The following GCC2 variants were observed in gnomAD, a reference collection of about 807,000 sequenced individuals.
GCC2 encodes GRIP and coiled-coil domain containing 2, also known as GRIP and coiled-coil domain-containing protein 2.
A neutral mutation model predicts 210.6 loss-of-function variants in GCC2; 120 were observed. The observed-to-expected ratio is 0.57, with a 90% CI of 0.49 to 0.66. GCC2 has a LOEUF of 0.66. Among genes scored for constraint, GCC2 ranks in the 30% least tolerant of loss-of-function variants. GCC2 has a pLI of 0.00. For missense variants in GCC2, 1,868 were observed against 1,871.9 expected (o/e 1.00, Z 0.04); for synonymous variants, 703 against 652.7 (o/e 1.08, Z -1.17).
At chr2:108,500,319 C>T (rs1315972451) in intron 22 of GCC2, among the ~76,000 whole-genome samples, 1 of 152,090 alleles carries the variant, frequency 6.6e-6, no homozygotes, top group Non-Finnish European at 1.5e-5. Context: ...CCGAGACCAT[C>T]CTGGCCAACA....
chr2:108,449,770 G>A, intron 2 of GCC2, 81 bp downstream of exon 2: 1 of 1,086,488 alleles, frequency 9.2e-7, no homozygotes, highest in Non-Finnish European at 1.4e-6. Context: ...GGGAAGGGGG[G>A]GGCGCTGATT....
Position 108,482,298 on chromosome 2 carries a change from A to G in GCC2, c.3192A>G (p.Ile1064Met). Residue 1064 changes from isoleucine to methionine, a missense_variant, in exon 11 of 23, where the codon ATA becomes ATG. This residue lies in a region of GCC2 where 1,847 missense variants were observed against 1,765.2 expected (regional missense o/e 1.05). Coordinates refer to ENST00000309863, the MANE Select transcript of GCC2 (RefSeq NM_181453.4). ...LRNSTLQCET[I>M]NSDNEDLLAR... ...ATTTGTCATTTCAGTGTGAAACAATAAATTCTGATAATGAAGATCTCCTGG... is the reference window on the plus strand; with the variant it reads ...ATTTGTCATTTCAGTGTGAAACAATGAATTCTGATAATGAAGATCTCCTGG... 6.4e-7 allele frequency: 1 copy of G among 1,572,286 alleles called. No individual in the cohort carries two copies. Among genetic ancestry groups the G allele is most frequent in the Non-Finnish European group, 8.7e-7 (1 of 1,154,858 alleles).
intron 22 of GCC2, among the ~76,000 whole-genome samples, chr2:108,500,666 G>A (rs1296555982): frequency 2.0e-5 from 3 of 152,178 alleles, no homozygotes; most frequent in Admixed American, 6.5e-5. Flanking sequence ...AAGAATTATG[G>A]TTTCATGTTT....
intron 4 of GCC2, 60 bp from the exon 5 acceptor site, chr2:108,468,920 A>G: frequency 2.0e-6 from 2 of 1,019,948 alleles, no homozygotes; most frequent in Non-Finnish European, 1.6e-6. Flanking sequence ...GGAGATAATT[A>G]CGCATGTGGT....
chr2:108,479,948 C>T (rs1320626559), intron 9 of GCC2, among the ~76,000 whole-genome samples: 3 of 146,120 alleles, frequency 2.1e-5, no homozygotes, highest in Non-Finnish European at 3.0e-5. Context: ...CGCCACTGCA[C>T]TCCAGCCTGG....
intron 22 of GCC2, among the ~76,000 whole-genome samples, chr2:108,505,388 C>T (rs966924110): frequency 3.3e-5 from 5 of 152,188 alleles, no homozygotes; most frequent in African/African-American, 1.2e-4. Context: ...ACAGACTTCT[C>T]AGAATTCTTT....
intron 1 of GCC2, 26 bp from the exon 2 acceptor site, chr2:108,449,607 C>T (rs1421770008): frequency 1.9e-6 from 3 of 1,607,522 alleles, no homozygotes; most frequent in Non-Finnish European, 1.7e-6. Context: ...GTTCTTCTGA[C>T]ACCTGGGTTT....
intron 4 of GCC2, among the ~76,000 whole-genome samples, chr2:108,468,121 G>A (rs1680998259): frequency 6.6e-6 from 1 of 151,540 alleles, no homozygotes; most frequent in African/African-American, 2.4e-5. Flanking sequence ...GAGTACAGTG[G>A]AGTGATCTTG....
chr2:108,486,372 A>T, intron 15 of GCC2, 139 bp from the exon 16 acceptor site: 1 of 793,832 alleles, frequency 1.3e-6, no homozygotes, highest in Admixed American at 2.1e-5. Flanking sequence ...TTTCAATAAT[A>T]ATACATAAAA....
Position 108,451,041 on chromosome 2 carries a change from C to G in GCC2, c.77C>G (p.Pro26Arg). ...CACATCTTTCAGCTGGAAACATTGCCCAAAGAAGACCTCATCAAGTTTGCC... is the reference window on the plus strand; with the variant it reads ...CACATCTTTCAGCTGGAAACATTGCGCAAAGAAGACCTCATCAAGTTTGCC... ...GTGKSKLETL[P>R]KEDLIKFAKK... Residue 26 changes from proline to arginine, a missense_variant, in exon 3 of 23, where the codon CCC becomes CGC. This residue lies in a region of GCC2 where 1,847 missense variants were observed against 1,765.2 expected (regional missense o/e 1.05). Coordinates refer to ENST00000309863, the MANE Select transcript of GCC2 (RefSeq NM_181453.4). 1.2e-6 allele frequency: 2 copies of G among 1,610,998 alleles called. No homozygotes were observed. Among genetic ancestry groups the G allele is most frequent in the South Asian group, 2.2e-5 (2 of 90,970 alleles).
chr2:108,492,630 G>A lies in GCC2; in HGVS notation c.4287G>A (p.Val1429=), dbSNP rs545008599. The change falls in exon 19 of 23, where the codon GTG becomes GTA. Residue 1429 remains valine, a synonymous_variant. Coordinates refer to ENST00000309863, the MANE Select transcript of GCC2 (RefSeq NM_181453.4). ...MMMKSEHTQT[V]SQLTSQNEVL... ...TGAAATCTGAACATACACAGACTGT[G>A]AGTCAGCTAACATCCCAGAACGAGG... The A allele has an allele frequency of 1.2e-6, 2 of 1,613,924 alleles. No homozygotes were observed. Among genetic ancestry groups the A allele is most frequent in the South Asian group, 1.1e-5 (1 of 91,084 alleles).
chr2:108,483,293 G>A (rs1573210265), intron 12 of GCC2, 127 bp downstream of exon 12: 9 of 563,602 alleles, frequency 1.6e-5, no homozygotes, highest in South Asian at 1.3e-4. Flanking sequence ...GCATGATCTC[G>A]GCTCACTGCA....
At position 108,475,754 on chromosome 2, in the gene GCC2, C is replaced by A. The variant is rs778920396; in HGVS notation, c.2964C>A (p.Thr988=). 2.5e-6 allele frequency: 4 copies of A among 1,593,806 alleles called. No homozygotes were observed. Among genetic ancestry groups the A allele is most frequent in the African/African-American group, 2.7e-5 (2 of 73,810 alleles). ...KKELDSSRKE[T]QTVKEELESL... ...AATTTTACTTGTGTTTAAAACAGACCCAGACTGTGAAGGAAGAACTTGAAT... is the reference window on the plus strand; with the variant it reads ...AATTTTACTTGTGTTTAAAACAGACACAGACTGTGAAGGAAGAACTTGAAT... The change falls in exon 9 of 23, where the codon ACC becomes ACA. Residue 988 remains threonine, a splice_region_variant and synonymous_variant. Transcript: ENST00000309863.
At chr2:108,490,058 ATTTC>A (rs775939634) in intron 18 of GCC2, 44 bp downstream of exon 18, 2 of 1,355,702 alleles carry the variant, frequency 1.5e-6, no homozygotes. Flanking sequence ...ACAGCAATGT[ATTTC>A]TTTGTTGAAA....
intron 4 of GCC2, among the ~76,000 whole-genome samples, chr2:108,455,653 CT>C (rs1553435364): frequency 6.6e-6 from 1 of 152,112 alleles, no homozygotes; most frequent in Non-Finnish European, 1.5e-5. Flanking sequence ...CATTTCAAGT[CT>C]TCTGGCTATT....
At chr2:108,490,733 A>G (rs1042366277) in intron 18 of GCC2, among the ~76,000 whole-genome samples, 3 of 152,214 alleles carry the variant, frequency 2.0e-5, no homozygotes, top group Admixed American at 2.0e-4. Context: ...TTCAGGGAAG[A>G]TGTACCAGTT....
At chr2:108,507,499 A>T (rs935063091) in intron 22 of GCC2, 61 bp from the exon 23 acceptor site, 1 of 1,340,600 alleles carries the variant, frequency 7.5e-7, no homozygotes, top group South Asian at 1.3e-5. Flanking sequence ...TTACATTGAG[A>T]AATTTTAATA....
chr2:108,452,388 T>TA lies in GCC2; in HGVS notation c.149-9dup. The TA allele has an allele frequency of 7.1e-7, 1 of 1,411,218 alleles. No homozygotes were observed. 87.4% of individuals were successfully genotyped at this position (1,411,218 alleles called of 1,614,324 possible). On this transcript the variant is annotated splice_polypyrimidine_tract_variant and intron_variant, in intron 3 of 22. Transcript: ENST00000309863. Reference sequence around the variant, plus strand: ...TTCTGAACCGGAGTCCTTTATTTTTTAATTGTTTAGAATTGGAGAAAGAAA... The same window carrying TA: ...TTCTGAACCGGAGTCCTTTATTTTTTAAATTGTTTAGAATTGGAGAAAGAAA...
Position 108,470,124 on chromosome 2 carries a change from A to G in GCC2, c.795A>G (p.Glu265=), listed in dbSNP as rs1238954303. ...GCCAGATTGAAGCATCAGCTAAGGA[A>G]CATGAAGCAGAGATAAATAAGTTGA... ...LMCQIEASAK[E]HEAEINKLNE... is the part of the protein sequence containing the mutation. Residue 265 remains glutamate, a synonymous_variant, in exon 6 of 23, where the codon GAA becomes GAG. Coordinates refer to ENST00000309863, the MANE Select transcript of GCC2 (RefSeq NM_181453.4). 1 of 1,613,866 alleles carries G rather than the reference A, an allele frequency of 6.2e-7. No individual in the cohort carries two copies.
Sources: allele counts gnomAD v4.1 joint callset (sites outside exome capture counted in the v4.1 genomes callset), GRCh38; gene constraint gnomAD v4.1.1; regional missense constraint gnomAD v4.1.1; transcripts MANE v1.5; gene names NCBI Gene and HGNC (gene_info 2026-07-23, HGNC 2026-07-21).